The following LRP1B variants were observed in gnomAD, a reference collection of about 807,000 sequenced individuals.
LRP1B encodes low-density lipoprotein receptor-related protein 1B.
Under a neutral mutation model 556.6 loss-of-function variants are expected in LRP1B, and 217 were observed. The observed-to-expected ratio is 0.39, with a 90% confidence interval of 0.35 to 0.44. LRP1B has a LOEUF of 0.44. Ranked by LOEUF, LRP1B falls within the 20% of genes least tolerant of loss-of-function variation. LRP1B has a pLI of 1.00. For missense variants in LRP1B, 5,053 were observed against 5,620.8 expected, an observed-to-expected ratio of 0.90 and a Z score of 3.23; for synonymous variants, 2,047 against 1,865.8, an observed-to-expected ratio of 1.10 and a Z score of -2.50.
At chr2:142,070,547 C>T (rs983085863) in intron 1 of LRP1B, among the ~76,000 whole-genome samples, 1 of 151,896 alleles carries the variant, frequency 6.6e-6, no homozygotes, top group Non-Finnish European at 1.5e-5. Flanking sequence ...GGACTCAATT[C>T]TATAATTGCC....
At chr2:141,065,543 A>T (rs1028318160) in intron 7 of LRP1B, among the ~76,000 whole-genome samples, 1 of 151,920 alleles carries the variant, frequency 6.6e-6, no homozygotes, top group Admixed American at 6.6e-5. Context: ...ATTTCCAAAG[A>T]GTAGATAAGG....
chr2:141,221,727 A>G (rs1202400780), intron 6 of LRP1B, among the ~76,000 whole-genome samples: 1 of 152,140 alleles, frequency 6.6e-6, no homozygotes, highest in Non-Finnish European at 1.5e-5. Context: ...TACCAACTGT[A>G]TCTTAGACCA....
intron 7 of LRP1B, among the ~76,000 whole-genome samples, chr2:141,084,175 G>A (rs1699991345): frequency 6.6e-6 from 1 of 152,092 alleles, no homozygotes; most frequent in South Asian, 2.1e-4. Context: ...TTAAAAGCTG[G>A]AAAATTAAAT....
At chr2:141,252,369 T>G (rs941867031) in intron 4 of LRP1B, among the ~76,000 whole-genome samples, 2 of 152,118 alleles carry the variant, frequency 1.3e-5, no homozygotes, top group African/African-American at 4.8e-5. Flanking sequence ...ATAAGACAAT[T>G]TAAATTGTGA....
intron 2 of LRP1B, among the ~76,000 whole-genome samples, chr2:141,697,232 A>C (rs886217017): frequency 4.6e-5 from 7 of 151,966 alleles, no homozygotes; most frequent in Non-Finnish European, 1.0e-4. Flanking sequence ...AACAGTAATC[A>C]GCATAAAATT....
chr2:141,857,769 A>G (rs1343605651), intron 1 of LRP1B, among the ~76,000 whole-genome samples: 1 of 152,198 alleles, frequency 6.6e-6, no homozygotes, highest in Admixed American at 6.5e-5. Context: ...GGCTTTCACA[A>G]GGTAGTTAAC....
At chr2:140,311,708 C>T (rs1425155519) in intron 83 of LRP1B, among the ~76,000 whole-genome samples, 3 of 151,776 alleles carry the variant, frequency 2.0e-5, no homozygotes, top group South Asian at 2.1e-4. Flanking sequence ...AACCAAATAT[C>T]CAGTTTTCAG....
At chr2:140,388,062 G>A (rs546810572) in intron 66 of LRP1B, among the ~76,000 whole-genome samples, 6 of 151,436 alleles carry the variant, frequency 4.0e-5, no homozygotes, top group South Asian at 2.1e-4. Context: ...TCAGCCTCCC[G>A]AGTAGCTGGG....
intron 14 of LRP1B, among the ~76,000 whole-genome samples, chr2:141,009,179 T>C (rs959495416): frequency 1.3e-5 from 2 of 151,686 alleles, no homozygotes; most frequent in African/African-American, 4.8e-5. Flanking sequence ...TGTGAAACTA[T>C]GGGGATTCTC....
intron 2 of LRP1B, among the ~76,000 whole-genome samples, chr2:141,664,954 T>C (rs1468392956): frequency 1.3e-5 from 2 of 152,096 alleles, no homozygotes; most frequent in Non-Finnish European, 2.9e-5. Flanking sequence ...AACTTCAAAA[T>C]ATACTACAAG....
At chr2:140,384,908 G>C (rs994641438) in intron 67 of LRP1B, among the ~76,000 whole-genome samples, 9 of 152,110 alleles carry the variant, frequency 5.9e-5, no homozygotes. Context: ...TTTTAAACAT[G>C]CTTGTATAGC....
chr2:140,450,699 C>A (rs2105314258), intron 62 of LRP1B, 38 bp from the exon 63 acceptor site: 1 of 1,408,004 alleles, frequency 7.1e-7, no homozygotes. Flanking sequence ...TGTTGAAGAA[C>A]CCAGTGCATA....
At chr2:140,628,515 C>T (rs557983743) in intron 41 of LRP1B, among the ~76,000 whole-genome samples, 133 of 135,436 alleles carry the variant, frequency 9.8e-4, no homozygotes, top group Admixed American at 1.5e-3. Flanking sequence ...CCAGCCTGGG[C>T]GAAAGAATGA....
chr2:140,819,453 A>G (rs1691243073), intron 31 of LRP1B, among the ~76,000 whole-genome samples: 1 of 152,180 alleles, frequency 6.6e-6, no homozygotes, highest in Non-Finnish European at 1.5e-5. Flanking sequence ...GCATCCAACA[A>G]AAGGTAAGTA....
In LRP1B at chr2:140,483,636, ATATATT is replaced by A. The variant is rs1264044724; in HGVS notation, c.9425+1701_9425+1706del. On this transcript the variant is annotated intron_variant, in intron 59 of 90. Coordinates refer to ENST00000389484, the MANE Select transcript of LRP1B (RefSeq NM_018557.3). ...CACACATATATATATATATATATAT[ATATATT>A]TTTTTTTTTTTTTTTTGAGACACTG... is the stretch of plus-strand genomic sequence containing the variant. 2.0e-3 allele frequency among the ~76,000 whole-genome samples: 146 copies of A among 72,316 alleles called. 1 individual carries two copies. The highest frequency in any genetic ancestry group is 6.0e-3 in the African/African-American group (124 of 20,506). The allele number at this position is 72,316 out of a possible 152,430, so 47.4% of individuals were successfully genotyped here.
intron 7 of LRP1B, among the ~76,000 whole-genome samples, chr2:141,136,495 C>G (rs1701495575): frequency 6.6e-6 from 1 of 151,382 alleles, no homozygotes; most frequent in African/African-American, 2.4e-5. Flanking sequence ...TATCTAAAGG[C>G]AAGGGACTTT....
At chr2:141,867,222 T>G (rs1336236483) in intron 1 of LRP1B, among the ~76,000 whole-genome samples, 2 of 152,042 alleles carry the variant, frequency 1.3e-5, no homozygotes, top group Non-Finnish European at 2.9e-5. Context: ...TCCAATTTGA[T>G]GAAAATGTGG....
At chr2:140,610,455 T>C (rs866505388) in intron 41 of LRP1B, among the ~76,000 whole-genome samples, 4 of 152,354 alleles carry the variant, frequency 2.6e-5, no homozygotes, top group Middle Eastern at 3.4e-3. Flanking sequence ...CAAGACCTAA[T>C]ATATCAGAGA....
At chr2:140,964,513 G>T (rs1170569457) in intron 18 of LRP1B, among the ~76,000 whole-genome samples, 6 of 151,886 alleles carry the variant, frequency 4.0e-5, no homozygotes. Context: ...CTTCCCAGAC[G>T]CTGATGTCAC....
Sources: allele counts gnomAD v4.1 joint callset (sites outside exome capture counted in the v4.1 genomes callset), GRCh38; gene constraint gnomAD v4.1.1; transcripts MANE v1.5; gene names NCBI Gene and HGNC (gene_info 2026-07-23, HGNC 2026-07-21).